The following CDH9 variants were observed in gnomAD, a reference collection of about 807,000 sequenced individuals.
CDH9 encodes the protein cadherin-9.
In CDH9, 28 loss-of-function variants were observed where a neutral mutation model predicts 70.9. That is an observed-to-expected ratio of 0.40 (90% CI 0.29 to 0.54). The LOEUF is 0.54. Among genes scored for constraint, CDH9 ranks in the 20% least tolerant of loss-of-function variants. CDH9 has a pLI of 0.59. For missense variants in CDH9, 874 were observed against 984.4 expected (o/e 0.89, Z 1.50); for synonymous variants, 409 against 343.1 (o/e 1.19, Z -2.12).
chr5:26,934,969 C>T (rs1239153205), intron 2 of CDH9, among the ~76,000 whole-genome samples: 2 of 148,822 alleles, frequency 1.3e-5, no homozygotes, highest in African/African-American at 4.9e-5. Context: ...CTCTCATGAA[C>T]ATGGATGTAA....
chr5:26,957,658 C>T (rs75994109), intron 2 of CDH9, among the ~76,000 whole-genome samples: 9 of 143,838 alleles, frequency 6.3e-5, no homozygotes, highest in African/African-American at 2.3e-4. Context: ...GAGACGGTCT[C>T]AAAAAAAAAA....
intron 8 of CDH9, among the ~76,000 whole-genome samples, 176 bp downstream of exon 8, chr5:26,890,252 G>A (rs752550661): frequency 5.3e-4 from 80 of 152,234 alleles, no homozygotes; most frequent in Middle Eastern, 6.8e-3. Context: ...AATTTGAAAT[G>A]AATGATTTGA....
In CDH9 at chr5:26,915,900, C is replaced by T. The variant is rs1195343302; in HGVS notation, c.253G>A (p.Asp85Asn). 1.2e-6 allele frequency: 2 copies of T among 1,610,546 alleles called. No individual in the cohort carries two copies. Among genetic ancestry groups the T allele is most frequent in the Non-Finnish European group, 8.5e-7 (1 of 1,177,490 alleles). ...GTTAGTATGTATTTTAAATTTCCAT[C>T]TCCTTTATCTTGGTCAGTGTGAAGC... ...GKLHTDQDKG[D>N]GNLKYILTGD... Residue 85 changes from aspartate to asparagine, a missense_variant, in exon 3 of 12, where the codon GAT becomes AAT. Coordinates refer to ENST00000231021, the MANE Select transcript of CDH9 (RefSeq NM_016279.4).
Position 26,950,600 on chromosome 5 carries a change from C to T in CDH9, c.229-34676G>A, listed in dbSNP as rs911163541. Reference sequence around the variant, plus strand: ...ACATCAGTTCCTGCTGCATCAGTGACGATTTTTAATAAAAATAAAAAATGA... The same window carrying T: ...ACATCAGTTCCTGCTGCATCAGTGATGATTTTTAATAAAAATAAAAAATGA... On this transcript the variant is annotated intron_variant, in intron 2 of 11. Coordinates refer to ENST00000231021, the MANE Select transcript of CDH9 (RefSeq NM_016279.4). 4.0e-5 allele frequency among the ~76,000 whole-genome samples: 6 copies of T among 151,620 alleles called. No homozygotes were observed. The East Asian group carries it at 5.8e-4, about 15-fold the overall frequency.
rs541475032 is a variant in CDH9 at position 26,952,211 on chromosome 5, G to A, written c.228+35895C>T. Reference sequence around the variant, plus strand: ...ATTACTAACCTCAAGTGATCTGCCTGCCTTGGCCTCCTAAAGTGCTGGGAT... The same window carrying A: ...ATTACTAACCTCAAGTGATCTGCCTACCTTGGCCTCCTAAAGTGCTGGGAT... On this transcript the variant is annotated intron_variant, in intron 2 of 11. Coordinates refer to ENST00000231021, the MANE Select transcript of CDH9 (RefSeq NM_016279.4). Among the ~76,000 whole-genome samples the A allele has an allele frequency of 7.0e-3, 1,046 of 149,890 alleles. 14 individuals carry two copies. Among genetic ancestry groups the A allele is most frequent in the African/African-American group, 0.025 (1,007 of 41,072 alleles).
intron 2 of CDH9, among the ~76,000 whole-genome samples, chr5:26,985,914 T>C (rs1426479997): frequency 1.3e-5 from 2 of 151,974 alleles, no homozygotes; most frequent in Non-Finnish European, 2.9e-5. Flanking sequence ...TATATGCAAA[T>C]AAATAGTGAT....
At chr5:27,001,850 T>A (rs1440842579) in intron 1 of CDH9, among the ~76,000 whole-genome samples, 54 of 147,368 alleles carry the variant, frequency 3.7e-4, no homozygotes, top group East Asian at 9.8e-4. Context: ...ACACACTCTC[T>A]CTCTCTCTCT....
intron 2 of CDH9, among the ~76,000 whole-genome samples, chr5:26,941,777 G>A (rs1741665836): frequency 6.6e-6 from 1 of 152,174 alleles, no homozygotes; most frequent in South Asian, 2.1e-4. Context: ...CACACTTGCT[G>A]TTTTCTCTTG....
intron 1 of CDH9, among the ~76,000 whole-genome samples, chr5:27,015,458 A>C (rs2112119484): frequency 6.6e-6 from 1 of 151,894 alleles, no homozygotes; most frequent in Admixed American, 6.6e-5. Flanking sequence ...CGGGCAGTTT[A>C]CTTTTTAATT....
At chr5:27,015,582 C>G (rs1743033730) in intron 1 of CDH9, among the ~76,000 whole-genome samples, 1 of 151,548 alleles carries the variant, frequency 6.6e-6, no homozygotes, top group Non-Finnish European at 1.5e-5. Context: ...AAAGTATCCT[C>G]AAATGTTTTC....
In CDH9 at chr5:26,906,074, G is replaced by A. The variant is rs1740942269; in HGVS notation, c.696C>T (p.Tyr232=). ...PDMSRENREQ[Y]QVVIQAKDMG... ...TGTCTTTGGCCTGTATAACAACCTG[G>A]TACTGCTCTCTATTTTCTCTGCTCA... The change falls in exon 5 of 12, where the codon TAC becomes TAT. Residue 232 remains tyrosine (Y), a synonymous_variant. Transcript: ENST00000231021. The A allele has an allele frequency of 4.3e-6, 7 of 1,613,594 alleles. No homozygotes were observed. In the East Asian group the frequency reaches 1.3e-4, roughly 31 times the overall value.
At position 26,888,374 on chromosome 5, in the gene CDH9, T is replaced by C. The variant is rs983117313; in HGVS notation, c.1512+1462A>G. Reference sequence around the variant, plus strand: ...GCAAAATGTACTACAGTGTTCATTATAGTATAACTGGGGTACTGCTAGGGT... The same window carrying C: ...GCAAAATGTACTACAGTGTTCATTACAGTATAACTGGGGTACTGCTAGGGT... On this transcript the variant is annotated intron_variant, in intron 9 of 11. Coordinates refer to ENST00000231021, the MANE Select transcript of CDH9 (RefSeq NM_016279.4). Among the ~76,000 whole-genome samples, 107 of 152,278 alleles carry C rather than the reference T, an allele frequency of 7.0e-4. 1 individual carries two copies. Among genetic ancestry groups the C allele is most frequent in the African/African-American group, 2.5e-3 (104 of 41,568 alleles).
chr5:26,905,977 GGTT>G lies in CDH9; in HGVS notation c.790_792del (p.Asn264del), dbSNP rs1467217496. 1 of 1,613,472 alleles carries G rather than the reference GGTT, an allele frequency of 6.2e-7. No homozygotes were observed. The highest frequency in any genetic ancestry group is 1.7e-5 in the Admixed American group (1 of 59,980). Reference sequence around the variant, plus strand: ...TTCTTACTCTGGGGAAATCGAGGAGGGTTGTTGTTGACATCTGTCAGCGTGATG... The same window carrying G: ...TTCTTACTCTGGGGAAATCGAGGAGGGTTGTTGACATCTGTCAGCGTGATG... On this transcript the variant is annotated inframe_deletion, in exon 5 of 12. Coordinates refer to ENST00000231021, the MANE Select transcript of CDH9 (RefSeq NM_016279.4).
In CDH9 at chr5:26,881,124, C is replaced by G. The variant is rs1422610567; in HGVS notation, c.*12G>C. On this transcript the variant is annotated 3_prime_UTR_variant, in exon 12 of 12. Transcript: ENST00000231021. ...GTACTTCCACTAATATTGATTAAGTCAAACAATCCTCTTAGTCTCGGTCAC... is the reference window on the plus strand; with the variant it reads ...GTACTTCCACTAATATTGATTAAGTGAAACAATCCTCTTAGTCTCGGTCAC... 6.3e-7 allele frequency: 1 copy of G among 1,582,818 alleles called. No individual in the cohort carries two copies. The highest frequency in any genetic ancestry group is 1.2e-5 in the South Asian group (1 of 85,432).
chr5:26,924,426 GC>G (rs1398463215), intron 2 of CDH9, among the ~76,000 whole-genome samples: 9 of 151,010 alleles, frequency 6.0e-5, no homozygotes, highest in African/African-American at 2.2e-4. Flanking sequence ...ACAAAGAAAA[GC>G]CCAAGATCAA....
At chr5:26,952,678 G>C (rs1055375957) in intron 2 of CDH9, among the ~76,000 whole-genome samples, 27 of 147,818 alleles carry the variant, frequency 1.8e-4, no homozygotes, top group Non-Finnish European at 3.1e-4. Flanking sequence ...GAGGTGATTG[G>C]GTCATGAGGG....
At chr5:26,962,830 C>A (rs532287317) in intron 2 of CDH9, among the ~76,000 whole-genome samples, 2 of 152,032 alleles carry the variant, frequency 1.3e-5, no homozygotes, top group African/African-American at 2.4e-5. Context: ...ATAAAAATAA[C>A]GTTTCTCATT....
At chr5:26,956,439 A>C (rs2112054547) in intron 2 of CDH9, among the ~76,000 whole-genome samples, 1 of 152,286 alleles carries the variant, frequency 6.6e-6, no homozygotes, top group South Asian at 2.1e-4. Flanking sequence ...CCAAGTTGGT[A>C]TTAGTCTAGA....
At chr5:26,899,359 A>G (rs552941089) in intron 7 of CDH9, among the ~76,000 whole-genome samples, 1 of 152,288 alleles carries the variant, frequency 6.6e-6, no homozygotes, top group East Asian at 1.9e-4. Context: ...TACTATAAAG[A>G]CACATGCACA....
Sources: allele counts gnomAD v4.1 joint callset (sites outside exome capture counted in the v4.1 genomes callset), GRCh38; gene constraint gnomAD v4.1.1; transcripts MANE v1.5; gene names NCBI Gene and HGNC (gene_info 2026-07-23, HGNC 2026-07-21).